The following GPHN variants were observed in gnomAD, a reference collection of about 807,000 sequenced individuals.
GPHN encodes the protein gephyrin.
GPHN carries 17 observed loss-of-function variants against 95.5 expected under a neutral mutation model. The ratio of observed to expected loss-of-function variants is 0.18; its 90% confidence interval spans 0.12 to 0.27. The LOEUF (loss-of-function observed/expected upper bound fraction) is 0.27, where lower values mean the gene tolerates loss of function less well. Among genes scored for constraint, GPHN ranks in the 10% least tolerant of loss-of-function variants. GPHN has a pLI of 1.00. For synonymous variants in GPHN, 320 were observed against 322.5 expected (o/e 0.99, Z 0.08); for missense variants, 660 against 978.1 (o/e 0.67, Z 4.34).
intron 2 of GPHN, among the ~76,000 whole-genome samples, chr14:66,732,073 G>A (rs1330653925): frequency 1.3e-5 from 2 of 152,196 alleles, no homozygotes; most frequent in Non-Finnish European, 2.9e-5. Flanking sequence ...TGGATGTCCA[G>A]GCAGAAGTCG....
chr14:67,633,939 C>A, the GPHN span, among the ~76,000 whole-genome samples: 1 of 152,214 alleles, frequency 6.6e-6, no homozygotes, highest in East Asian at 1.9e-4. Context: ...TCCCGCCACA[C>A]CCTTTGTACA....
the GPHN span, among the ~76,000 whole-genome samples, chr14:67,670,132 C>A: frequency 5.3e-5 from 8 of 152,208 alleles, no homozygotes; most frequent in East Asian, 1.2e-3. Context: ...AGGTGACTGC[C>A]CAAAAGGCTC....
the GPHN span, among the ~76,000 whole-genome samples, chr14:67,574,775 C>A: frequency 6.1e-4 from 92 of 151,808 alleles, no homozygotes; most frequent in African/African-American, 2.2e-3. This position sits in a 1 kb window ranked among gnomAD's most constrained non-coding sequence, Gnocchi z 4.2. Context: ...CTTAAAGTAT[C>A]CCAGGCCTGC....
chr14:67,381,106 T>C, the GPHN span, among the ~76,000 whole-genome samples: 1 of 152,214 alleles, frequency 6.6e-6, no homozygotes, highest in African/African-American at 2.4e-5. Context: ...ACTAGCCTTT[T>C]CCACCCAGTG....
the GPHN span, chr14:67,580,769 C>G: frequency 1.2e-5 from 7 of 579,148 alleles, no homozygotes; most frequent in Admixed American, 2.1e-4. Flanking sequence ...GAGGGAGCTG[C>G]TGCCACCTTG....
In GPHN at chr14:66,622,476, C is replaced by T. The variant is rs987126274; in HGVS notation, c.65-58631C>T. On this transcript the variant is annotated intron_variant, in intron 1 of 22. Coordinates refer to ENST00000478722, the MANE Select transcript of GPHN (RefSeq NM_020806.5). Reference sequence around the variant, plus strand: ...CATTACTTTTGCAAATTTCTGCATCCGGCTTGAATTTCTCCTCAGAAAATG... The same window carrying T: ...CATTACTTTTGCAAATTTCTGCATCTGGCTTGAATTTCTCCTCAGAAAATG... Among the ~76,000 whole-genome samples the T allele has an allele frequency of 6.6e-5, 10 of 152,176 alleles. No individual in the cohort carries two copies. The South Asian group carries it at 1.0e-3, about 16-fold the overall frequency.
At chr14:67,586,423 G>A in the GPHN span, 5 of 1,331,272 alleles carry the variant, frequency 3.8e-6, no homozygotes, top group Non-Finnish European at 4.9e-6. Flanking sequence ...CTTCCTTGCA[G>A]CAGTCCTCAA....
intron 13 of GPHN, among the ~76,000 whole-genome samples, chr14:67,103,810 T>C (rs2077875603): frequency 6.6e-6 from 1 of 152,178 alleles, no homozygotes; most frequent in Non-Finnish European, 1.5e-5. Context: ...TCATGTTATC[T>C]GCAAACAGGG....
chr14:66,593,065 G>A (rs2061826097), intron 1 of GPHN, among the ~76,000 whole-genome samples: 2 of 152,094 alleles, frequency 1.3e-5, no homozygotes, highest in African/African-American at 2.4e-5. Flanking sequence ...ACCAAACACT[G>A]CATGTTCTCA....
chr14:67,212,758 C>T, the GPHN span, among the ~76,000 whole-genome samples: 4 of 150,408 alleles, frequency 2.7e-5, no homozygotes, highest in Non-Finnish European at 4.4e-5. Flanking sequence ...GTCTTCTTTC[C>T]TAACAAAGTA....
intron 4 of GPHN, among the ~76,000 whole-genome samples, chr14:66,829,555 T>C (rs2061506828): frequency 1.3e-5 from 2 of 152,200 alleles, no homozygotes; most frequent in Non-Finnish European, 2.9e-5. Flanking sequence ...AAAGGTATTA[T>C]TACATAAAGG....
chr14:67,421,322 T>C, the GPHN span, among the ~76,000 whole-genome samples: 177 of 152,252 alleles, frequency 1.2e-3, 2 homozygotes, highest in Admixed American at 3.1e-3. Context: ...TCCCTGATCA[T>C]GATTGCCTAG....
chr14:66,800,393 A>C (rs2060303587), intron 3 of GPHN, among the ~76,000 whole-genome samples: 1 of 152,194 alleles, frequency 6.6e-6, no homozygotes, highest in East Asian at 1.9e-4. Context: ...GTTGATAAAA[A>C]TCCCTCAGCT....
At chr14:67,504,723 A>G in the GPHN span, among the ~76,000 whole-genome samples, 18 of 152,116 alleles carry the variant, frequency 1.2e-4, no homozygotes, top group African/African-American at 3.6e-4. Flanking sequence ...TGTCTCTACT[A>G]AAAATACAAA....
chr14:67,585,569 C>A, the GPHN span: 19 of 1,575,182 alleles, frequency 1.2e-5, no homozygotes, highest in Non-Finnish European at 1.5e-5. Context: ...TTTCCCCAGC[C>A]TGCCCAGCTG....
At chr14:67,138,388 A>G (rs2080228240) in intron 17 of GPHN, among the ~76,000 whole-genome samples, 1 of 152,318 alleles carries the variant, frequency 6.6e-6, no homozygotes, top group African/African-American at 2.4e-5. Flanking sequence ...TATCATTGAG[A>G]AAATTAATAT....
the GPHN span, among the ~76,000 whole-genome samples, chr14:67,307,288 A>C: frequency 6.7e-6 from 1 of 149,126 alleles, no homozygotes; most frequent in East Asian, 2.1e-4. Flanking sequence ...AGTTTGTAAA[A>C]CTTTAGATTA....
At chr14:67,341,590 A>T in the GPHN span, among the ~76,000 whole-genome samples, 2 of 139,346 alleles carry the variant, frequency 1.4e-5, no homozygotes, top group African/African-American at 5.5e-5. Context: ...CAGGCCAGCC[A>T]CCCTGTCCGG....
chr14:66,761,405 G>A (rs925317016), intron 2 of GPHN, among the ~76,000 whole-genome samples: 1 of 152,008 alleles, frequency 6.6e-6, no homozygotes, highest in African/African-American at 2.4e-5. Flanking sequence ...ATAGAAGGGG[G>A]GATACAACAA....
Sources: gnomAD v4.1 joint callset for allele counts (sites outside exome capture counted in the v4.1 genomes callset) on GRCh38, gnomAD v4.1.1 for gene constraint, Gnocchi (gnomAD v3.1) non-coding constraint, MANE v1.5 for transcripts, NCBI Gene and HGNC (gene_info 2026-07-23, HGNC 2026-07-21) for gene names.